NRG1: variants seen among roughly 807,000 people sequenced by gnomAD.
NRG1 encodes neuregulin 1, also known as pro-neuregulin-1, membrane-bound isoform.
In NRG1, 18 loss-of-function variants were observed where a neutral mutation model predicts 63.8. The observed-to-expected ratio is 0.28, with a 90% CI of 0.19 to 0.42. NRG1 has a LOEUF of 0.42. Among genes scored for constraint, NRG1 ranks in the 10% least tolerant of loss-of-function variants. The probability of loss-of-function intolerance (pLI) is 1.00; values close to 1 mark genes in which losing one functional copy is unlikely to be tolerated. For missense variants in NRG1, 762 were observed against 814.7 expected (o/e 0.94, Z 0.79); for synonymous variants, 302 against 301.3 (o/e 1.00, Z -0.02).
intron 5 of NRG1, among the ~76,000 whole-genome samples, chr8:32,678,045 T>G (rs972607242): frequency 1.3e-5 from 2 of 152,210 alleles, no homozygotes; most frequent in Admixed American, 1.3e-4. Flanking sequence ...TCTACAATGG[T>G]TTTTGATCAC....
intron 1 of NRG1, among the ~76,000 whole-genome samples, chr8:31,866,351 A>G (rs1828958261): frequency 6.6e-6 from 1 of 152,172 alleles, no homozygotes; most frequent in South Asian, 2.1e-4. Flanking sequence ...AAAGGAAGTT[A>G]TTTGTCTAAG....
intron 5 of NRG1, among the ~76,000 whole-genome samples, chr8:32,720,407 T>G (rs527427698): frequency 3.5e-4 from 53 of 152,320 alleles, no homozygotes; most frequent in African/African-American, 1.2e-3. Context: ...TCAGATGGCC[T>G]GCTGATATTT....
chr8:31,894,283 A>G (rs949033737), intron 1 of NRG1, among the ~76,000 whole-genome samples: 3 of 152,204 alleles, frequency 2.0e-5, no homozygotes, highest in Admixed American at 1.3e-4. Context: ...TAATTGCAAT[A>G]TTCTTAATAA....
intron 1 of NRG1, among the ~76,000 whole-genome samples, chr8:31,670,382 C>T (rs988710580): frequency 5.9e-5 from 9 of 152,148 alleles, no homozygotes; most frequent in African/African-American, 2.2e-4. Flanking sequence ...ACTCTCCCAA[C>T]CTGACTTTAT....
At chr8:32,760,061 G>C in intron 10 of NRG1, 139 bp from the exon 11 acceptor site, 1 of 920,326 alleles carries the variant, frequency 1.1e-6, no homozygotes, top group East Asian at 2.7e-5. Flanking sequence ...GATTCTATTC[G>C]GAGACAAGTG....
At chr8:31,879,548 T>G (rs534746826) in intron 1 of NRG1, among the ~76,000 whole-genome samples, 14 of 152,302 alleles carry the variant, frequency 9.2e-5, no homozygotes, top group African/African-American at 3.1e-4. Flanking sequence ...TAGAGAGCAT[T>G]TTTTTAATTC....
intron 1 of NRG1, among the ~76,000 whole-genome samples, chr8:32,168,160 T>G (rs1839605445): frequency 6.6e-6 from 1 of 152,016 alleles, no homozygotes; most frequent in Admixed American, 6.6e-5. Flanking sequence ...GCCGGCATCA[T>G]GGAGAGTAAA....
At chr8:32,692,049 T>C (rs986537399) in intron 5 of NRG1, among the ~76,000 whole-genome samples, 1 of 152,232 alleles carries the variant, frequency 6.6e-6, no homozygotes, top group African/African-American at 2.4e-5. Flanking sequence ...TTTCTTATTC[T>C]TCTTACTTTA....
At chr8:32,353,865 T>C (rs1448699359) in intron 1 of NRG1, among the ~76,000 whole-genome samples, 1 of 152,224 alleles carries the variant, frequency 6.6e-6, no homozygotes, top group Non-Finnish European at 1.5e-5. Flanking sequence ...AAGACTTGTA[T>C]GTAAATATTT....
At chr8:32,449,081 G>A (rs1444481151) in intron 1 of NRG1, among the ~76,000 whole-genome samples, 1 of 152,116 alleles carries the variant, frequency 6.6e-6, no homozygotes, top group Non-Finnish European at 1.5e-5. Flanking sequence ...AATTGCTTGA[G>A]CCCAGGAGTT....
chr8:32,635,560 G>T (rs1851179572), intron 5 of NRG1, among the ~76,000 whole-genome samples: 1 of 151,940 alleles, frequency 6.6e-6, no homozygotes, highest in African/African-American at 2.4e-5. Context: ...TTGACAGTAA[G>T]TTAGTTATTT....
intron 1 of NRG1, among the ~76,000 whole-genome samples, chr8:31,819,256 T>A (rs1285455139): frequency 2.2e-5 from 3 of 136,532 alleles, no homozygotes; most frequent in South Asian, 2.3e-4. Flanking sequence ...TAAAATAAAT[T>A]CGGAAAGAAT....
chr8:32,593,297 A>G (rs1842819354), intron 1 of NRG1, among the ~76,000 whole-genome samples: 2 of 152,150 alleles, frequency 1.3e-5, no homozygotes, highest in African/African-American at 4.8e-5. Context: ...TTAATGAGGC[A>G]ATGTATTTTT....
At chr8:32,398,262 C>G (rs1277829771) in intron 1 of NRG1, among the ~76,000 whole-genome samples, 1 of 152,162 alleles carries the variant, frequency 6.6e-6, no homozygotes, top group African/African-American at 2.4e-5. Context: ...TACAGCGCAG[C>G]CTTCCACGGC....
rs571985967 is a variant in NRG1 at position 32,560,209 on chromosome 8, G to T, written c.100+11383G>T. 8.8e-4 allele frequency among the ~76,000 whole-genome samples: 124 copies of T among 140,792 alleles called. 1 individual carries two copies. Among genetic ancestry groups the T allele is most frequent in the Non-Finnish European group, 1.5e-3 (96 of 62,924 alleles). The allele number at this position is 140,792 out of a possible 152,430, so 92.4% of individuals were successfully genotyped here. ...TTATCTGAGTCCTTTTATTCTTTTT[G>T]CTTTTTTTTTTGTTTGCAAGACCAA... is the stretch of plus-strand genomic sequence containing the variant. On this transcript the variant is annotated intron_variant, in intron 1 of 11. Transcript: ENST00000356819.
Position 31,640,531 on chromosome 8 carries a change from G to T in NRG1, c.37+1100G>T. On this transcript the variant is annotated intron_variant, in intron 1 of 10. Transcript: ENST00000519301. This position sits in a 1 kb window ranked among gnomAD's most constrained non-coding sequence, Gnocchi z 6.3. ...CTTGAAGAAGGACTCGCTGCTCACCGTGCGCCTGGGGACCTGGGGCCACCC... is the reference window on the plus strand; with the variant it reads ...CTTGAAGAAGGACTCGCTGCTCACCTTGCGCCTGGGGACCTGGGGCCACCC... 1 of 1,611,628 alleles carries T rather than the reference G, an allele frequency of 6.2e-7. No individual in the cohort carries two copies. Among genetic ancestry groups the T allele is most frequent in the Non-Finnish European group, 8.5e-7 (1 of 1,179,374 alleles).
At chr8:31,898,161 G>A (rs975616811) in intron 1 of NRG1, among the ~76,000 whole-genome samples, 1 of 151,846 alleles carries the variant, frequency 6.6e-6, no homozygotes, top group Non-Finnish European at 1.5e-5. Context: ...TCCCTAAAAT[G>A]TGTAAAACCA....
intron 1 of NRG1, among the ~76,000 whole-genome samples, chr8:31,682,922 G>A (rs916429363): frequency 3.9e-5 from 6 of 152,094 alleles, no homozygotes; most frequent in South Asian, 2.1e-4. Context: ...GAACCCCCAC[G>A]CTTTTGTGAG....
At chr8:32,403,228 G>A (rs1042112715) in intron 1 of NRG1, among the ~76,000 whole-genome samples, 2 of 149,594 alleles carry the variant, frequency 1.3e-5, no homozygotes, top group African/African-American at 4.9e-5. Flanking sequence ...AACCTGGAAG[G>A]CAGAAAAGTT....
Sources: gnomAD v4.1 joint callset for allele counts (sites outside exome capture counted in the v4.1 genomes callset) on GRCh38, gnomAD v4.1.1 for gene constraint, Gnocchi (gnomAD v3.1) non-coding constraint, MANE v1.5 for transcripts, NCBI Gene and HGNC (gene_info 2026-07-23, HGNC 2026-07-21) for gene names.